TUSC3: variants seen among roughly 807,000 people sequenced by gnomAD.
The protein encoded by TUSC3 is tumor suppressor candidate 3.
A neutral mutation model predicts 44.8 loss-of-function variants in TUSC3; 45 were observed. That is an observed-to-expected ratio of 1.00 (90% CI 0.79 to 1.29). The LOEUF (loss-of-function observed/expected upper bound fraction) is 1.29. TUSC3 is among the 50% of genes most tolerant of loss of function. The probability of loss-of-function intolerance (pLI) is 0.00; values close to 1 mark genes in which losing one functional copy is unlikely to be tolerated. For synonymous variants in TUSC3, 212 were observed against 152.9 expected, an observed-to-expected ratio of 1.39 and a Z score of -2.85; for missense variants, 519 against 437.9, an observed-to-expected ratio of 1.19 and a Z score of -1.65.
the TUSC3 span, among the ~76,000 whole-genome samples, chr8:15,775,926 C>G: frequency 5.9e-5 from 9 of 151,682 alleles, no homozygotes; most frequent in African/African-American, 2.2e-4. Flanking sequence ...ACAAGATATT[C>G]AAACCAATGC....
chr8:15,504,577 GGATATATATATATATATA>G lies in TUSC3; in HGVS notation n.189+21095_189+21112del, dbSNP rs1177832939. 3.7e-3 allele frequency among the ~76,000 whole-genome samples: 204 copies of G among 54,936 alleles called. 2 individuals are homozygous for G. The highest frequency in any genetic ancestry group is 0.017 in the South Asian group (19 of 1,092). 36.0% of individuals were successfully genotyped at this position (54,936 alleles called of 152,430 possible). On this transcript the variant is annotated intron_variant and non_coding_transcript_variant, in intron 2 of 5. Coordinates refer to the TUSC3 transcript ENST00000503191. ...TTAATCCTATTAAAGGCAACTTTCA[GGATATATATATATATATA>G]TATATATATATATATATATATATAT...
chr8:15,465,654 A>G (rs1800404844), intron 1 of TUSC3, among the ~76,000 whole-genome samples: 1 of 152,222 alleles, frequency 6.6e-6, no homozygotes, highest in African/African-American at 2.4e-5. Context: ...TGAGGAAGAC[A>G]AGTTCCTGTA....
At chr8:15,600,446 G>T (rs1804238008) in intron 1 of TUSC3, among the ~76,000 whole-genome samples, 1 of 151,626 alleles carries the variant, frequency 6.6e-6, no homozygotes, top group Non-Finnish European at 1.5e-5. Flanking sequence ...ATTAGAATTG[G>T]GTAGTGATTC....
rs535844941 is a variant in TUSC3 at position 15,716,744 on chromosome 8, G to T, written c.799-13922G>T. 2.6e-5 allele frequency among the ~76,000 whole-genome samples: 4 copies of T among 152,212 alleles called. No individual in the cohort carries two copies. In the South Asian group the frequency reaches 6.2e-4, roughly 24 times the overall value. On this transcript the variant is annotated intron_variant, in intron 6 of 10. Transcript: ENST00000503731. The stretch of plus-strand genomic sequence containing the variant: ...AAAATCATTTTTTAATGAGCTCAGT[G>T]TAAATACGAAATGAGTAACTGGTTT...
At chr8:15,637,047 G>T (rs1208144653) in intron 2 of TUSC3, among the ~76,000 whole-genome samples, 1 of 152,124 alleles carries the variant, frequency 6.6e-6, no homozygotes, top group African/African-American at 2.4e-5. Flanking sequence ...TCTTACAGTT[G>T]ACTATTCTAG....
chr8:15,696,105 C>G (rs1809148594), intron 6 of TUSC3, among the ~76,000 whole-genome samples: 1 of 152,172 alleles, frequency 6.6e-6, no homozygotes, highest in Non-Finnish European at 1.5e-5. Context: ...GAAAATGTCT[C>G]CAGGGAATGT....
intron 7 of TUSC3, chr8:15,733,516 G>C (rs377683524): frequency 7.3e-6 from 2 of 272,984 alleles, no homozygotes; most frequent in African/African-American, 4.6e-5. Context: ...ATTCTCCAAG[G>C]TTTAATTTCA....
the TUSC3 span, among the ~76,000 whole-genome samples, chr8:15,781,917 G>A: frequency 6.6e-6 from 1 of 152,204 alleles, no homozygotes; most frequent in African/African-American, 2.4e-5. Flanking sequence ...TGCATTACCA[G>A]AGGTCAGGAG....
intron 1 of TUSC3, among the ~76,000 whole-genome samples, chr8:15,599,542 A>G (rs1222467261): frequency 1.3e-5 from 2 of 151,636 alleles, no homozygotes; most frequent in Non-Finnish European, 3.0e-5. Context: ...ATGCTCTCTT[A>G]TAGTAGTTTT....
intron 1 of TUSC3, among the ~76,000 whole-genome samples, chr8:15,548,022 A>G (rs1038873805): frequency 6.6e-6 from 1 of 151,318 alleles, no homozygotes; most frequent in Admixed American, 6.6e-5. Flanking sequence ...CTGTGAGAAG[A>G]TAGCAATGTG....
chr8:15,761,799 G>A lies in TUSC3; in HGVS notation c.*47-2404G>A, dbSNP rs1475223070. On this transcript the variant is annotated intron_variant, in intron 10 of 10. Transcript: ENST00000503731. ...TTGACAGTTGTTTTTAAAAAAGTAT[G>A]ATACGAAGGCATTTATACATTTTTG... Among the ~76,000 whole-genome samples, 13 of 152,204 alleles carry A rather than the reference G, an allele frequency of 8.5e-5. No homozygotes were observed. In the East Asian group the frequency reaches 1.4e-3, roughly 16 times the overall value.
chr8:15,634,643 G>A (rs746035297), intron 2 of TUSC3, among the ~76,000 whole-genome samples: 13 of 152,164 alleles, frequency 8.5e-5, no homozygotes, highest in African/African-American at 1.2e-4. Context: ...GTTTTTTCAT[G>A]TGAGGAAGTC....
chr8:15,431,114 G>C (rs1417849413), intron 1 of TUSC3, among the ~76,000 whole-genome samples: 3 of 151,756 alleles, frequency 2.0e-5, no homozygotes, highest in African/African-American at 7.3e-5. Flanking sequence ...AAATCAGGAT[G>C]TGTGATGGCT....
chr8:15,611,980 T>A (rs1804781864), intron 1 of TUSC3, among the ~76,000 whole-genome samples: 1 of 152,204 alleles, frequency 6.6e-6, no homozygotes, highest in African/African-American at 2.4e-5. Context: ...TCCTTAAATA[T>A]TAGAGTCTTG....
intron 1 of TUSC3, among the ~76,000 whole-genome samples, chr8:15,422,615 T>G (rs1799750948): frequency 6.6e-6 from 1 of 152,126 alleles, no homozygotes; most frequent in Non-Finnish European, 1.5e-5. Flanking sequence ...AAAAGTATAG[T>G]AATGCATCTA....
intron 1 of TUSC3, chr8:15,417,310 G>A (rs892659516): frequency 6.6e-6 from 1 of 152,364 alleles, no homozygotes; most frequent in Non-Finnish European, 1.5e-5. Context: ...AGAAATGTGA[G>A]TCAATTAAAC....
intron 1 of TUSC3, among the ~76,000 whole-genome samples, chr8:15,429,971 A>T (rs189109698): frequency 2.5e-3 from 385 of 151,814 alleles, no homozygotes; most frequent in Admixed American, 4.6e-3. Context: ...ACAGCCTCTG[A>T]AATTGAGGCA....
Position 15,764,296 on chromosome 8 carries a change from T to C in TUSC3, c.*140T>C. 1 of 1,446,508 alleles carries C rather than the reference T, an allele frequency of 6.9e-7. No individual in the cohort carries two copies. Among genetic ancestry groups the C allele is most frequent in the Non-Finnish European group, 9.6e-7 (1 of 1,036,720 alleles). The allele number at this position is 1,446,508 out of a possible 1,614,324, so 89.6% of individuals were successfully genotyped here. A position where few individuals can be genotyped will look rare whatever the true frequency, so the allele number is the denominator to read the frequency against. On this transcript the variant is annotated 3_prime_UTR_variant, in exon 11 of 11. Transcript: ENST00000503731. ...CTGACTTTATACTATTTTGAATTCATTCATTTCATTGTGATCAGCTAGCTT... is the reference window on the plus strand; with the variant it reads ...CTGACTTTATACTATTTTGAATTCACTCATTTCATTGTGATCAGCTAGCTT...
intron 1 of TUSC3, among the ~76,000 whole-genome samples, chr8:15,615,780 C>G (rs1011038501): frequency 1.3e-5 from 2 of 151,998 alleles, no homozygotes; most frequent in African/African-American, 4.8e-5. Context: ...AAAGAAAATA[C>G]AGGACGTTTA....
Sources: allele counts gnomAD v4.1 joint callset (sites outside exome capture counted in the v4.1 genomes callset), GRCh38; gene constraint gnomAD v4.1.1; transcripts MANE v1.5; gene names NCBI Gene and HGNC (gene_info 2026-07-23, HGNC 2026-07-21).